FOXN1: variants seen among roughly 807,000 people sequenced by gnomAD.
The protein encoded by FOXN1 is forkhead box N1.
A neutral mutation model predicts 49.0 loss-of-function variants in FOXN1; 15 were observed. The ratio of observed to expected loss-of-function variants is 0.31; its 90% CI spans 0.20 to 0.47. The LOEUF (loss-of-function observed/expected upper bound fraction) is 0.47. FOXN1 is among the 20% of genes least tolerant of loss of function. The pLI is 1.00. For synonymous variants in FOXN1, 356 were observed against 369.0 expected, an observed-to-expected ratio of 0.96 and a Z score of 0.40; for missense variants, 800 against 842.8, an observed-to-expected ratio of 0.95 and a Z score of 0.63.
At position 28,530,740 on chromosome 17, in the gene FOXN1, T is replaced by C. The variant is rs774193463; in HGVS notation, c.831-9T>C. 7.7e-6 allele frequency: 12 copies of C among 1,564,098 alleles called. No individual in the cohort carries two copies. The highest frequency in any genetic ancestry group is 1.1e-5 in the Non-Finnish European group (12 of 1,134,468). On this transcript the variant is annotated splice_polypyrimidine_tract_variant and intron_variant, in intron 5 of 8. Coordinates refer to ENST00000579795, the MANE Select transcript of FOXN1 (RefSeq NM_001369369.1). ...GGTTCGGACTCTCAGGGGCTTTCTC[T>C]TTCTTCAGCATCCTCATCTTCATGG... is the stretch of plus-strand genomic sequence containing the variant.
At chr17:28,508,549 C>A (rs1419528831) in intron 1 of FOXN1, among the ~76,000 whole-genome samples, 1 of 152,176 alleles carries the variant, frequency 6.6e-6, no homozygotes, top group Non-Finnish European at 1.5e-5. Context: ...GATGTCTAAC[C>A]TCTCCCTTTC....
At chr17:28,522,725 CTA>C (rs1476489421) in intron 1 of FOXN1, among the ~76,000 whole-genome samples, 1 of 152,022 alleles carries the variant, frequency 6.6e-6, no homozygotes, top group Non-Finnish European at 1.5e-5. Flanking sequence ...GTAGTCCCAG[CTA>C]CTCTTGAGGC....
rs139921262 is a variant in FOXN1 at position 28,532,763 on chromosome 17, G to T, written c.928-1568G>T. Among the ~76,000 whole-genome samples the T allele has an allele frequency of 3.6e-4, 55 of 152,356 alleles. 2 individuals carry two copies. The East Asian group carries it at 0.011, about 29-fold the overall frequency. On this transcript the variant is annotated intron_variant, in intron 6 of 8. Coordinates refer to ENST00000579795, the MANE Select transcript of FOXN1 (RefSeq NM_001369369.1). ...GAGTCAGGGATGTGGGGCTGGGGAA[G>T]TGTCCAGCCACTGGACATAATTGTT...
At chr17:28,529,977 G>A (rs2069870131) in intron 5 of FOXN1, among the ~76,000 whole-genome samples, 1 of 148,024 alleles carries the variant, frequency 6.8e-6, no homozygotes, top group Admixed American at 6.8e-5. Flanking sequence ...CCTCAGGGAA[G>A]TTACTTAATC....
chr17:28,524,698 G>A lies in FOXN1; in HGVS notation c.319G>A (p.Ala107Thr), dbSNP rs749272531. 2 of 1,612,960 alleles carry A rather than the reference G, an allele frequency of 1.2e-6. No individual in the cohort carries two copies. The highest frequency in any genetic ancestry group is 2.2e-5 in the East Asian group (1 of 44,808). The change falls in exon 3 of 9, where the codon GCC (alanine) becomes ACC (threonine). Residue 107 changes from alanine (A) to threonine (T), a missense_variant. Physicochemically the swap from Ala to Thr is moderately conservative, Grantham distance 58. Around this residue, in one of 3 missense-constraint regions of FOXN1, gnomAD observed 383 missense variants for 357.9 expected, o/e 1.07. Coordinates refer to ENST00000579795, the MANE Select transcript of FOXN1 (RefSeq NM_001369369.1). ...DKYPGFGFEE[A>T]AASSPGRFLK... is the part of the protein sequence containing the mutation. ...GTATCCTGGCTTTGGCTTTGAGGAG[G>A]CCGCAGCAAGCAGCCCTGGGCGATT...
chr17:28,533,674 G>A (rs1329095160), intron 6 of FOXN1, among the ~76,000 whole-genome samples: 2 of 152,160 alleles, frequency 1.3e-5, no homozygotes, highest in East Asian at 1.9e-4. Context: ...TCCAGGAGAC[G>A]TTGCTTATGC....
At chr17:28,535,609 G>A (rs954309220) in intron 8 of FOXN1, among the ~76,000 whole-genome samples, 3 of 152,144 alleles carry the variant, frequency 2.0e-5, no homozygotes, top group Non-Finnish European at 4.4e-5. Context: ...AAATTAGCTG[G>A]GCATGGTGGC....
chr17:28,534,910 A>G lies in FOXN1; in HGVS notation c.1339A>G (p.Thr447Ala). The part of the protein sequence containing the change: ...NPLQDLLMGH[T>A]PSCYGQTYLH... ...CCTGCAGGACCTACTTATGGGGCAC[A>G]CACCCTCCTGCTATGGGCAGACATA... is the stretch of plus-strand genomic sequence containing the variant. Residue 447 changes from threonine (T) to alanine (A), a missense_variant, in exon 8 of 9, where the codon ACA becomes GCA. By Grantham distance (58) the Thr-to-Ala change is moderately conservative. This residue lies in a region of FOXN1 where 344 missense variants were observed against 366.1 expected (regional missense o/e 0.94). Coordinates refer to ENST00000579795, the MANE Select transcript of FOXN1 (RefSeq NM_001369369.1). The surrounding 1 kb of genome is among the most constrained non-coding windows in gnomAD (Gnocchi z 4.1). 6.2e-7 allele frequency: 1 copy of G among 1,614,070 alleles called. No individual in the cohort carries two copies. Among genetic ancestry groups the G allele is most frequent in the South Asian group, 1.1e-5 (1 of 91,070 alleles).
At chr17:28,519,875 G>A (rs1375741520) in intron 1 of FOXN1, among the ~76,000 whole-genome samples, 2 of 152,228 alleles carry the variant, frequency 1.3e-5, no homozygotes, top group East Asian at 3.9e-4. Context: ...TCAAGGACCT[G>A]GAGGTAGAAG....
chr17:28,530,589 C>T (rs138457787), intron 5 of FOXN1, among the ~76,000 whole-genome samples, 160 bp from the exon 6 acceptor site: 15 of 152,350 alleles, frequency 9.8e-5, no homozygotes, highest in African/African-American at 3.4e-4. Flanking sequence ...CCTCGCACGT[C>T]TGTAATTCCT....
intron 4 of FOXN1, 140 bp from the exon 5 acceptor site, chr17:28,528,954 T>C: frequency 9.7e-7 from 1 of 1,031,564 alleles, no homozygotes; most frequent in Non-Finnish European, 1.5e-6. Flanking sequence ...CAGCTCTGCT[T>C]TGGGGGTGAT....
At position 28,533,485 on chromosome 17, in the gene FOXN1, A is replaced by ACCCCC. The variant is rs3837849; in HGVS notation, c.928-841_928-837dup. Reference sequence around the variant, plus strand: ...GGGTGTTTATTCTATTGGCACGAGCACCCCCCCCCACTGCCTGAGGGCTGG... The same window carrying ACCCCC: ...GGGTGTTTATTCTATTGGCACGAGCACCCCCCCCCCCCCCACTGCCTGAGGGCTGG... On this transcript the variant is annotated intron_variant, in intron 6 of 8. Coordinates refer to ENST00000579795, the MANE Select transcript of FOXN1 (RefSeq NM_001369369.1). 1.0e-3 allele frequency among the ~76,000 whole-genome samples: 130 copies of ACCCCC among 126,360 alleles called. 4 individuals carry two copies. Among genetic ancestry groups the ACCCCC allele is most frequent in the Middle Eastern group, 3.9e-3 (1 of 254 alleles). The allele number at this position is 126,360 out of a possible 152,430, so 82.9% of individuals were successfully genotyped here.
Position 28,506,514 on chromosome 17 carries a change from C to T in FOXN1, c.-15+71C>T, listed in dbSNP as rs142489646. On this transcript the variant is annotated intron_variant, in intron 1 of 8. Transcript: ENST00000579795. ...CGGGCTGGGGCACGGGGAGGGCGTT[C>T]GCCTTTTTAACGGGGCTCAGGAGTG... 4.0e-3 allele frequency: 612 copies of T among 152,478 alleles called. 3 individuals carry two copies. Among genetic ancestry groups the T allele is most frequent in the Middle Eastern group, 6.8e-3 (2 of 296 alleles). 9.4% of individuals were successfully genotyped at this position (152,478 alleles called of 1,614,324 possible). A position where few individuals can be genotyped will look rare whatever the true frequency, so the allele number is the denominator to read the frequency against.
intron 6 of FOXN1, among the ~76,000 whole-genome samples, chr17:28,533,195 T>G (rs1472049067): frequency 6.6e-6 from 1 of 152,154 alleles, no homozygotes; most frequent in East Asian, 1.9e-4. Context: ...CGCCCCTCAT[T>G]AAGCAGAAAC....
chr17:28,525,952 C>T (rs1597553434), intron 3 of FOXN1, among the ~76,000 whole-genome samples: 1 of 152,286 alleles, frequency 6.6e-6, no homozygotes, highest in Middle Eastern at 3.4e-3. Flanking sequence ...TAACAGCTGC[C>T]AATCATTCTG....
At position 28,538,423 on chromosome 17, in the gene FOXN1, A is replaced by G. The variant is rs1444232840; in HGVS notation, c.*987A>G. ...ACACATTCAGTATGTTCCTCGACTT[A>G]GGATGCGGTTATGTCCGATAAACCC... On this transcript the variant is annotated 3_prime_UTR_variant, in exon 9 of 9. Coordinates refer to ENST00000579795, the MANE Select transcript of FOXN1 (RefSeq NM_001369369.1). 1 of 152,256 alleles carries G rather than the reference A, an allele frequency of 6.6e-6. No homozygotes were observed. Among genetic ancestry groups the G allele is most frequent in the East Asian group, 1.9e-4 (1 of 5,200 alleles). The allele number at this position is 152,256 out of a possible 1,614,324, so 9.4% of individuals were successfully genotyped here. A position where few individuals can be genotyped will look rare whatever the true frequency, so the allele number is the denominator to read the frequency against.
At chr17:28,525,173 A>G (rs1311965674) in intron 3 of FOXN1, among the ~76,000 whole-genome samples, 2 of 152,130 alleles carry the variant, frequency 1.3e-5, no homozygotes, top group Non-Finnish European at 2.9e-5. Flanking sequence ...GAGGTAGGCC[A>G]GGCTAAAGAA....
Position 28,510,377 on chromosome 17 carries a change from C to G in FOXN1, c.-15+3934C>G, listed in dbSNP as rs575454923. Among the ~76,000 whole-genome samples, 3 of 147,066 alleles carry G rather than the reference C, an allele frequency of 2.0e-5. No homozygotes were observed. The Admixed American group carries it at 2.1e-4, about 10-fold the overall frequency. ...ATATATACATACAGAGAGACACACA[C>G]AGAGACACACACAGACACACGCGCA... is the stretch of plus-strand genomic sequence containing the variant. On this transcript the variant is annotated intron_variant, in intron 1 of 8. Transcript: ENST00000579795.
At chr17:28,528,131 C>G (rs2069815564) in intron 4 of FOXN1, among the ~76,000 whole-genome samples, 1 of 152,232 alleles carries the variant, frequency 6.6e-6, no homozygotes, top group African/African-American at 2.4e-5. Context: ...GGCACTGGCC[C>G]TGATCTCAGC....
Sources: allele counts gnomAD v4.1 joint callset (sites outside exome capture counted in the v4.1 genomes callset), GRCh38; gene constraint gnomAD v4.1.1; regional missense constraint gnomAD v4.1.1; non-coding constraint Gnocchi (gnomAD v3.1); transcripts MANE v1.5; gene names NCBI Gene and HGNC (gene_info 2026-07-23, HGNC 2026-07-21).